The following ALKBH5 variants were observed in gnomAD, a reference collection of about 807,000 sequenced individuals.
ALKBH5 encodes alkB homolog 5, RNA demethylase, also known as RNA demethylase ALKBH5.
In ALKBH5, 2 loss-of-function variants were observed where a neutral mutation model predicts 32.1. The ratio of observed to expected loss-of-function variants is 0.06; its 90% CI spans 0.03 to 0.20. The LOEUF is 0.20. Among genes scored for constraint, ALKBH5 ranks in the 10% least tolerant of loss-of-function variants. The probability of loss-of-function intolerance (pLI) is 1.00; values close to 1 mark genes in which losing one functional copy is unlikely to be tolerated. For synonymous variants in ALKBH5, 300 were observed against 231.7 expected (o/e 1.29, Z -2.68); for missense variants, 352 against 559.5 (o/e 0.63, Z 3.74).
At chr17:18,185,525 G>C (rs1030435296) in intron 1 of ALKBH5, among the ~76,000 whole-genome samples, 4 of 152,186 alleles carry the variant, frequency 2.6e-5, no homozygotes, top group Non-Finnish European at 5.9e-5. Context: ...ATTCCCAGGA[G>C]GGGGAGTGAC....
rs1249033091 is a variant in ALKBH5 at position 18,183,835 on chromosome 17, C to T, written c.-409C>T. ...GCACTGCGCGTGCGCGGTGAGGAGCCCGCTAAGGAGCGGCGCTGGCGGACG... is the reference window on the plus strand; with the variant it reads ...GCACTGCGCGTGCGCGGTGAGGAGCTCGCTAAGGAGCGGCGCTGGCGGACG... On this transcript the variant is annotated 5_prime_UTR_variant, in exon 1 of 4. Transcript: ENST00000399138. 9.6e-6 allele frequency: 3 copies of T among 311,158 alleles called. No homozygotes were observed. The highest frequency in any genetic ancestry group is 7.0e-5 in the African/African-American group (3 of 42,936). 19.3% of individuals were successfully genotyped at this position (311,158 alleles called of 1,614,324 possible).
chr17:18,197,050 A>G (rs1486173355), intron 2 of ALKBH5, among the ~76,000 whole-genome samples: 3 of 152,162 alleles, frequency 2.0e-5, no homozygotes, highest in African/African-American at 7.2e-5. Context: ...ACTCCAGAAT[A>G]TTGTAGTGGT....
chr17:18,203,574 T>C (rs2047253710), intron 2 of ALKBH5, among the ~76,000 whole-genome samples: 1 of 152,254 alleles, frequency 6.6e-6, no homozygotes, highest in Admixed American at 6.5e-5. Context: ...TTCATTCCTG[T>C]TGCCACCTGA....
chr17:18,187,770 G>T (rs1327074192), intron 1 of ALKBH5, among the ~76,000 whole-genome samples: 6 of 152,144 alleles, frequency 3.9e-5, no homozygotes, highest in African/African-American at 1.4e-4. Context: ...ACAGATCCTA[G>T]CCCAGAGGTG....
chr17:18,196,967 TG>T (rs2047207866), intron 2 of ALKBH5, among the ~76,000 whole-genome samples: 3 of 152,236 alleles, frequency 2.0e-5, no homozygotes. Flanking sequence ...CTTTGGTCAT[TG>T]GGAATTTTTT....
chr17:18,203,178 C>G (rs968581558), intron 2 of ALKBH5, among the ~76,000 whole-genome samples: 3 of 152,142 alleles, frequency 2.0e-5, no homozygotes, highest in African/African-American at 7.2e-5. Context: ...CCTTGGCCTC[C>G]CAAAGTGCTG....
chr17:18,207,876 A>G (rs2047278965), intron 3 of ALKBH5, among the ~76,000 whole-genome samples: 1 of 152,028 alleles, frequency 6.6e-6, no homozygotes, highest in African/African-American at 2.4e-5. Flanking sequence ...AAGAGAGAGA[A>G]AGTGGGTAGA....
intron 2 of ALKBH5, among the ~76,000 whole-genome samples, chr17:18,205,841 C>T (rs2047266261): frequency 1.3e-5 from 2 of 152,210 alleles, no homozygotes; most frequent in African/African-American, 4.8e-5. Context: ...ACTGCAGCCC[C>T]TACTCCTTCG....
Position 18,184,048 on chromosome 17 carries a change from G to A in ALKBH5, c.-196G>A. ...AGGAAGAAGCCCCGTTGTCGCCACC[G>A]TTGCATGACCCGCCGCTCCTGAGGC... is the stretch of plus-strand genomic sequence containing the variant. On this transcript the variant is annotated 5_prime_UTR_variant, in exon 1 of 4. Coordinates refer to ENST00000399138, the MANE Select transcript of ALKBH5 (RefSeq NM_017758.4). The A allele has an allele frequency of 1.5e-6, 1 of 677,494 alleles. No individual in the cohort carries two copies. Among genetic ancestry groups the A allele is most frequent in the Non-Finnish European group, 2.7e-6 (1 of 374,424 alleles). The allele number at this position is 677,494 out of a possible 1,614,324, so 42.0% of individuals were successfully genotyped here.
rs564158465 is a variant in ALKBH5 at position 18,184,469 on chromosome 17, C to T, written c.226C>T (p.Leu76=). 2.3e-4 allele frequency: 374 copies of T among 1,612,514 alleles called. 7 individuals carry two copies. In the South Asian group the frequency reaches 4.0e-3, roughly 17 times the overall value. Residue 76 remains leucine (L), a synonymous_variant, in exon 1 of 4, where the codon CTG becomes TTG. Coordinates refer to ENST00000399138, the MANE Select transcript of ALKBH5 (RefSeq NM_017758.4). The stretch of plus-strand genomic sequence containing the variant: ...GCGCAGCGACTATGAGGAGCAGCAG[C>T]TGCAGAAGGAGGAGGAGGCGCGCAA... ...PERSDYEEQQ[L]QKEEEARKVK...
rs1375068660 is a variant in ALKBH5 at position 18,184,782 on chromosome 17, G to A, written c.539G>A (p.Arg180His). Residue 180 changes from arginine (R) to histidine (H), a missense_variant, in exon 1 of 4, where the codon CGC becomes CAC. Arg to His is a conservative substitution (Grantham distance 29). Around this residue, in one of 4 missense-constraint regions of ALKBH5, gnomAD observed 56 missense variants for 238.1 expected, o/e 0.24. Transcript: ENST00000399138. ...QLVIQKLVEH[R>H]VIPEGFVNSA... Reference sequence around the variant, plus strand: ...GTGATCCAAAAGCTGGTGGAGCACCGCGTCATCCCCGAGGGCTTCGTCAAC... The same window carrying A: ...GTGATCCAAAAGCTGGTGGAGCACCACGTCATCCCCGAGGGCTTCGTCAAC... 4.3e-6 allele frequency: 7 copies of A among 1,613,928 alleles called. No homozygotes were observed. The Middle Eastern group carries it at 4.9e-4, about 114-fold the overall frequency.
chr17:18,188,786 T>C (rs1253209211), intron 1 of ALKBH5, among the ~76,000 whole-genome samples: 1 of 152,184 alleles, frequency 6.6e-6, no homozygotes. Context: ...ATTTCAGAGC[T>C]GGCCAGGCTT....
intron 1 of ALKBH5, among the ~76,000 whole-genome samples, chr17:18,191,083 T>TGGACCC (rs1174639713): frequency 6.6e-6 from 1 of 152,242 alleles, no homozygotes; most frequent in Non-Finnish European, 1.5e-5. Context: ...GCAGTAGGGC[T>TGGACCC]GGACCCAAGG....
chr17:18,192,984 C>T (rs746629460), intron 1 of ALKBH5, among the ~76,000 whole-genome samples: 2 of 151,182 alleles, frequency 1.3e-5, no homozygotes, highest in Admixed American at 6.6e-5. Flanking sequence ...TCAGCCTCTG[C>T]GATAGCTGGA....
chr17:18,183,857 G>C lies in ALKBH5; in HGVS notation c.-387G>C. 2.9e-6 allele frequency: 1 copy of C among 341,722 alleles called. No individual in the cohort carries two copies. The highest frequency in any genetic ancestry group is 5.6e-6 in the Non-Finnish European group (1 of 179,830). 21.2% of individuals were successfully genotyped at this position (341,722 alleles called of 1,614,324 possible). A position where few individuals can be genotyped will look rare whatever the true frequency, so the allele number is the denominator to read the frequency against. ...AGCCCGCTAAGGAGCGGCGCTGGCG[G>C]ACGTCGGGCTGGCTGCCCGTGACGT... On this transcript the variant is annotated 5_prime_UTR_variant, in exon 1 of 4. Transcript: ENST00000399138.
At chr17:18,194,917 C>A in intron 1 of ALKBH5, 38 bp from the exon 2 acceptor site, 1 of 1,602,240 alleles carries the variant, frequency 6.2e-7, no homozygotes, top group African/African-American at 1.3e-5. Context: ...GGTTGTCTGT[C>A]TACTCTTCAT....
At chr17:18,195,057 C>T (rs1037184113) in intron 2 of ALKBH5, 22 bp downstream of exon 2, 3 of 1,589,914 alleles carry the variant, frequency 1.9e-6, no homozygotes, top group Non-Finnish European at 2.6e-6. Context: ...GATGTCTGAC[C>T]TTCTGCCTCA....
At chr17:18,197,558 G>A (rs898820680) in intron 2 of ALKBH5, among the ~76,000 whole-genome samples, 5 of 152,188 alleles carry the variant, frequency 3.3e-5, no homozygotes, top group African/African-American at 1.2e-4. Context: ...ATCTTAGTTG[G>A]ATGTGCAGGT....
At position 18,183,846 on chromosome 17, in the gene ALKBH5, C is replaced by T. The variant is rs1016826805; in HGVS notation, c.-398C>T. ...GCGCGGTGAGGAGCCCGCTAAGGAG[C>T]GGCGCTGGCGGACGTCGGGCTGGCT... On this transcript the variant is annotated 5_prime_UTR_variant, in exon 1 of 4. Transcript: ENST00000399138. 5 of 324,226 alleles carry T rather than the reference C, an allele frequency of 1.5e-5. No homozygotes were observed. The highest frequency in any genetic ancestry group is 2.9e-5 in the Non-Finnish European group (5 of 170,216). The allele number at this position is 324,226 out of a possible 1,614,324, so 20.1% of individuals were successfully genotyped here.
Sources: allele counts gnomAD v4.1 joint callset (sites outside exome capture counted in the v4.1 genomes callset), GRCh38; gene constraint gnomAD v4.1.1; regional missense constraint gnomAD v4.1.1; transcripts MANE v1.5; gene names NCBI Gene and HGNC (gene_info 2026-07-23, HGNC 2026-07-21).